The following PALMD variants were observed in gnomAD, a reference collection of about 807,000 sequenced individuals.
PALMD encodes paralemmin-like protein.
PALMD carries 42 observed loss-of-function variants against 56.2 expected under a neutral mutation model. The observed-to-expected ratio is 0.75, with a 90% CI of 0.58 to 0.97. The LOEUF is 0.97. PALMD is among the 50% of genes least tolerant of loss of function. The pLI, the probability that PALMD is intolerant of heterozygous loss-of-function variation, is 0.00. For synonymous variants in PALMD, 242 were observed against 222.9 expected, an observed-to-expected ratio of 1.09 and a Z score of -0.76; for missense variants, 660 against 643.8, an observed-to-expected ratio of 1.03 and a Z score of -0.27.
At chr1:99,687,336 TA>T in intron 6 of PALMD, 147 bp downstream of exon 6, 1 of 777,638 alleles carries the variant, frequency 1.3e-6, no homozygotes. Flanking sequence ...AGTCACCGCA[TA>T]GGTGAGGATA....
chr1:99,687,323 G>A, intron 6 of PALMD, 134 bp downstream of exon 6: 2 of 907,976 alleles, frequency 2.2e-6, no homozygotes, highest in Non-Finnish European at 3.3e-6. Context: ...TGTGAGTTAT[G>A]TGAGTCACCG....
intron 7 of PALMD, 67 bp from the exon 8 acceptor site, chr1:99,693,952 A>C: frequency 9.5e-7 from 1 of 1,051,434 alleles, no homozygotes; most frequent in Non-Finnish European, 1.4e-6. Context: ...GCATTCTATG[A>C]ATGGCCATTT....
At chr1:99,668,388 A>G (rs1305584216) in intron 3 of PALMD, 1 of 152,288 alleles carries the variant, frequency 6.6e-6, no homozygotes, top group African/African-American at 2.4e-5. Context: ...GAATGGTAGT[A>G]ACAATGCCTA....
intron 3 of PALMD, among the ~76,000 whole-genome samples, chr1:99,680,437 A>G (rs537745481): frequency 4.6e-5 from 7 of 152,282 alleles, no homozygotes; most frequent in South Asian, 2.1e-4. Flanking sequence ...CTAAATTGGC[A>G]CATGATGCCT....
At chr1:99,671,557 T>G (rs370268926) in intron 3 of PALMD, among the ~76,000 whole-genome samples, 55 of 152,340 alleles carry the variant, frequency 3.6e-4, no homozygotes, top group African/African-American at 1.2e-3. Context: ...CCAGGTATTT[T>G]TATTTTTTGG....
chr1:99,689,944 TGCTTTCAG>T lies in PALMD; in HGVS notation c.1612+77_1612+84del, dbSNP rs768664761. Reference sequence around the variant, plus strand: ...AGCTTCTCTTGTGCTAATGCAGTCTTGCTTTCAGGCTTCTCTGACCACCTCATAAACTA... The same window carrying T: ...AGCTTCTCTTGTGCTAATGCAGTCTTGCTTCTCTGACCACCTCATAAACTA... On this transcript the variant is annotated intron_variant, in intron 7 of 7. Coordinates refer to ENST00000263174, the MANE Select transcript of PALMD (RefSeq NM_017734.5). 11 of 1,430,868 alleles carry T rather than the reference TGCTTTCAG, an allele frequency of 7.7e-6. No individual in the cohort carries two copies. In the South Asian group the frequency reaches 1.5e-4, roughly 20 times the overall value. The allele number at this position is 1,430,868 out of a possible 1,614,324, so 88.6% of individuals were successfully genotyped here. A position where few individuals can be genotyped will look rare whatever the true frequency, so the allele number is the denominator to read the frequency against.
intron 1 of PALMD, among the ~76,000 whole-genome samples, chr1:99,651,825 G>T (rs1273179206): frequency 6.6e-6 from 1 of 152,188 alleles, no homozygotes; most frequent in Non-Finnish European, 1.5e-5. Flanking sequence ...GGTAGAGCTA[G>T]GTTATCCTCA....
At chr1:99,658,960 G>T (rs1175257047) in intron 1 of PALMD, among the ~76,000 whole-genome samples, 2 of 149,280 alleles carry the variant, frequency 1.3e-5, no homozygotes, top group African/African-American at 4.9e-5. Flanking sequence ...AAAAAAAAAA[G>T]AATGTAAACT....
At chr1:99,682,938 A>G (rs1653376614) in intron 3 of PALMD, among the ~76,000 whole-genome samples, 1 of 151,322 alleles carries the variant, frequency 6.6e-6, no homozygotes, top group Admixed American at 6.6e-5. Context: ...CCTGGGAGGC[A>G]GAGGTTACAG....
chr1:99,689,640 A>C lies in PALMD; in HGVS notation c.1380A>C (p.Lys460Asn), dbSNP rs1480941804. 1.2e-6 allele frequency: 2 copies of C among 1,613,534 alleles called. No individual in the cohort carries two copies. The highest frequency in any genetic ancestry group is 1.3e-5 in the African/African-American group (1 of 74,832). ...EEEEDEGEAE[K>N]PSYHPIAPHS... Reference sequence around the variant, plus strand: ...AGGAGGATGAAGGAGAAGCAGAGAAACCGTCCTACCACCCCATAGCTCCCC... The same window carrying C: ...AGGAGGATGAAGGAGAAGCAGAGAACCCGTCCTACCACCCCATAGCTCCCC... Residue 460 changes from lysine to asparagine, a missense_variant, in exon 7 of 8, where the codon AAA (lysine) becomes AAC (asparagine). Coordinates refer to ENST00000263174, the MANE Select transcript of PALMD (RefSeq NM_017734.5).
intron 3 of PALMD, among the ~76,000 whole-genome samples, chr1:99,676,303 T>C (rs1653211553): frequency 6.6e-6 from 1 of 152,218 alleles, no homozygotes; most frequent in Non-Finnish European, 1.5e-5. Flanking sequence ...TTCTTCCTTT[T>C]TTTTAAGGAC....
intron 3 of PALMD, among the ~76,000 whole-genome samples, chr1:99,675,694 T>C (rs1653184550): frequency 6.6e-6 from 1 of 152,240 alleles, no homozygotes. Flanking sequence ...TGCATTCATT[T>C]GAAAATGACA....
intron 3 of PALMD, among the ~76,000 whole-genome samples, chr1:99,681,096 T>C (rs1339055353): frequency 1.7e-5 from 1 of 58,500 alleles, no homozygotes; most frequent in Non-Finnish European, 3.5e-5. Flanking sequence ...CATATATGTG[T>C]GTGTATATAT....
intron 1 of PALMD, among the ~76,000 whole-genome samples, chr1:99,653,399 G>A (rs1652640247): frequency 6.6e-6 from 1 of 152,080 alleles, no homozygotes; most frequent in African/African-American, 2.4e-5. Context: ...AAACAAGATA[G>A]GGTAGACAAA....
At chr1:99,680,452 A>G (rs774189057) in intron 3 of PALMD, among the ~76,000 whole-genome samples, 1 of 152,134 alleles carries the variant, frequency 6.6e-6, no homozygotes, top group Non-Finnish European at 1.5e-5. Context: ...ATGCCTGCCC[A>G]CCATCTCTCA....
chr1:99,663,231 C>A (rs917489047), intron 2 of PALMD, among the ~76,000 whole-genome samples: 1 of 152,118 alleles, frequency 6.6e-6, no homozygotes, highest in Non-Finnish European at 1.5e-5. Flanking sequence ...TGAAAAAAAA[C>A]ATAATTTAAG....
At chr1:99,657,482 C>G (rs549815880) in intron 1 of PALMD, among the ~76,000 whole-genome samples, 1 of 152,178 alleles carries the variant, frequency 6.6e-6, no homozygotes, top group African/African-American at 2.4e-5. Flanking sequence ...CTTGTTCAAG[C>G]TCTCATGGCC....
At chr1:99,648,555 G>C (rs74912564) in intron 1 of PALMD, among the ~76,000 whole-genome samples, 8,431 of 151,822 alleles carry the variant, frequency 0.056, 378 homozygotes, top group African/African-American at 0.12. Context: ...CTTTTTCCTA[G>C]TACTTACCTA....
At chr1:99,687,548 C>T (rs1208932485) in intron 6 of PALMD, among the ~76,000 whole-genome samples, 1 of 152,104 alleles carries the variant, frequency 6.6e-6, no homozygotes, top group African/African-American at 2.4e-5. Flanking sequence ...TGAAAATATT[C>T]CTTTGGGAAG....
Sources: allele counts gnomAD v4.1 joint callset (sites outside exome capture counted in the v4.1 genomes callset), GRCh38; gene constraint gnomAD v4.1.1; transcripts MANE v1.5; gene names NCBI Gene and HGNC (gene_info 2026-07-23, HGNC 2026-07-21).